GPHN: variants seen among roughly 807,000 people sequenced by gnomAD.
GPHN encodes gephyrin.
GPHN carries 17 observed loss-of-function variants against 95.5 expected under a neutral mutation model. That is an observed-to-expected ratio of 0.18 (90% CI 0.12 to 0.27). The LOEUF is 0.27. GPHN is among the 10% of genes least tolerant of loss of function. The probability of loss-of-function intolerance (pLI) is 1.00; values close to 1 mark genes in which losing one functional copy is unlikely to be tolerated. For missense variants in GPHN, 660 were observed against 978.1 expected (o/e 0.67, Z 4.34); for synonymous variants, 320 against 322.5 (o/e 0.99, Z 0.08).
At position 67,070,715 on chromosome 14, in the gene GPHN, A is replaced by AAAAAATATATATAT; in HGVS notation, c.1144+11930_1144+11931insAAAATATATATATA. ...ATCTCAAAAAAAAAAAAAAAAAAAA[A>AAAAAATATATATAT]ATATATATATATATCCAATCAGCAT... On this transcript the variant is annotated intron_variant, in intron 11 of 22. Coordinates refer to ENST00000478722, the MANE Select transcript of GPHN (RefSeq NM_020806.5). 2.2e-4 allele frequency among the ~76,000 whole-genome samples: 18 copies of AAAAAATATATATAT among 80,680 alleles called. 1 individual carries two copies. Among genetic ancestry groups the AAAAAATATATATAT allele is most frequent in the South Asian group, 4.3e-4 (1 of 2,344 alleles). 52.9% of individuals were successfully genotyped at this position (80,680 alleles called of 152,430 possible).
intron 17 of GPHN, among the ~76,000 whole-genome samples, chr14:67,140,995 C>G (rs1049170995): frequency 6.6e-6 from 1 of 151,002 alleles, no homozygotes; most frequent in Non-Finnish European, 1.5e-5. Flanking sequence ...TTTTTTAAGT[C>G]TTTAATGTTT....
At chr14:67,144,892 G>A (rs551404435) in intron 18 of GPHN, among the ~76,000 whole-genome samples, 30 of 152,198 alleles carry the variant, frequency 2.0e-4, no homozygotes, top group Admixed American at 4.6e-4. Context: ...TTACATCCAG[G>A]AGTGAAAGTG....
At chr14:67,039,678 A>G (rs1052160067) in intron 10 of GPHN, among the ~76,000 whole-genome samples, 3 of 152,170 alleles carry the variant, frequency 2.0e-5, no homozygotes, top group Non-Finnish European at 4.4e-5. Flanking sequence ...CTGTAGTCTC[A>G]GCTACTCAGG....
rs554939279 is a variant in GPHN, at chr14:66,510,137, T to G, written c.64+1546T>G. ...TGAAACTGTTTGGGTATGTGAAGAT[T>G]CAGTTGTATTTCAGAATTCCTGGAG... On this transcript the variant is annotated intron_variant, in intron 1 of 22. Transcript: ENST00000478722. Among the ~76,000 whole-genome samples, 6 of 152,350 alleles carry G rather than the reference T, an allele frequency of 3.9e-5. No individual in the cohort carries two copies. In the South Asian group the frequency reaches 1.2e-3, roughly 32 times the overall value.
At chr14:66,816,672 A>G (rs2060980977) in intron 3 of GPHN, among the ~76,000 whole-genome samples, 1 of 152,230 alleles carries the variant, frequency 6.6e-6, no homozygotes, top group Non-Finnish European at 1.5e-5. Flanking sequence ...AAGGAAATTT[A>G]TAGCACTAAA....
At chr14:67,233,711 G>A in the GPHN span, among the ~76,000 whole-genome samples, 1 of 152,176 alleles carries the variant, frequency 6.6e-6, no homozygotes, top group Non-Finnish European at 1.5e-5. Context: ...CAGTGGGGAT[G>A]GGGAGAAGTG....
the GPHN span, among the ~76,000 whole-genome samples, chr14:67,293,474 A>G: frequency 1.3e-5 from 2 of 152,182 alleles, no homozygotes; most frequent in Non-Finnish European, 2.9e-5. Context: ...GAGGACATCT[A>G]GAGCTACAGA....
chr14:67,378,930 C>T, the GPHN span, among the ~76,000 whole-genome samples: 3 of 152,174 alleles, frequency 2.0e-5, no homozygotes, highest in Non-Finnish European at 4.4e-5. Flanking sequence ...TGTTTTACTA[C>T]ATATGTGTCT....
At chr14:67,588,213 CCT>C in the GPHN span, 5 of 152,734 alleles carry the variant, frequency 3.3e-5, no homozygotes, top group East Asian at 9.7e-4. Context: ...CTGACCCCTC[CCT>C]GTCTCATTTT....
the GPHN span, among the ~76,000 whole-genome samples, chr14:67,203,783 G>A: frequency 6.6e-6 from 1 of 152,190 alleles, no homozygotes; most frequent in Non-Finnish European, 1.5e-5. Flanking sequence ...CACGATCTTG[G>A]CTCACTACAA....
chr14:67,663,180 A>C, the GPHN span: 1 of 1,530,788 alleles, frequency 6.5e-7, no homozygotes, highest in Non-Finnish European at 8.7e-7. Context: ...CCTAAAAATT[A>C]CTAATCTCCC....
chr14:66,588,381 A>G (rs1405870980), intron 1 of GPHN, among the ~76,000 whole-genome samples: 1 of 152,166 alleles, frequency 6.6e-6, no homozygotes, highest in African/African-American at 2.4e-5. Context: ...AACTGGAATG[A>G]GAATTAGTTT....
At chr14:66,684,132 G>C (rs75943330) in intron 2 of GPHN, among the ~76,000 whole-genome samples, 1 of 152,180 alleles carries the variant, frequency 6.6e-6, no homozygotes, top group African/African-American at 2.4e-5. Context: ...TGCTATGTAT[G>C]TTGATGTGCC....
chr14:67,017,356 A>G (rs2073371716), intron 9 of GPHN, among the ~76,000 whole-genome samples: 1 of 152,158 alleles, frequency 6.6e-6, no homozygotes, highest in African/African-American at 2.4e-5. Context: ...CTAAGATTGT[A>G]GAGTTATTGG....
At chr14:67,557,889 C>G in the GPHN span, among the ~76,000 whole-genome samples, 1 of 152,182 alleles carries the variant, frequency 6.6e-6, no homozygotes, top group Non-Finnish European at 1.5e-5. Context: ...ATACTTGATA[C>G]TTGGCTGTAG....
the GPHN span, among the ~76,000 whole-genome samples, chr14:67,712,493 CAAAAAAAAA>C: frequency 6.7e-3 from 260 of 38,940 alleles, 3 homozygotes; most frequent in Non-Finnish European, 5.6e-3. Flanking sequence ...AAAAAACTTG[CAAAAAAAAA>C]AAAAAAAAAA....
At chr14:66,664,641 A>G (rs2065844849) in intron 1 of GPHN, among the ~76,000 whole-genome samples, 1 of 152,138 alleles carries the variant, frequency 6.6e-6, no homozygotes, top group African/African-American at 2.4e-5. Context: ...TCAGAGCTGA[A>G]CTGAAGGAGG....
intron 3 of GPHN, among the ~76,000 whole-genome samples, chr14:66,787,206 TAAAC>T (rs944623765): frequency 2.3e-4 from 35 of 152,236 alleles, no homozygotes; most frequent in African/African-American, 7.9e-4. Flanking sequence ...CTATATACTA[TAAAC>T]AAACATTTGG....
chr14:66,564,518 G>T (rs2060382459), intron 1 of GPHN, among the ~76,000 whole-genome samples: 1 of 152,060 alleles, frequency 6.6e-6, no homozygotes, highest in African/African-American at 2.4e-5. Flanking sequence ...TTTAAGTAGG[G>T]CCTGAGACTT....
Sources: gnomAD v4.1 joint callset for allele counts (sites outside exome capture counted in the v4.1 genomes callset) on GRCh38, gnomAD v4.1.1 for gene constraint, MANE v1.5 for transcripts, NCBI Gene and HGNC (gene_info 2026-07-23, HGNC 2026-07-21) for gene names.